STK17B: variants seen among roughly 807,000 people sequenced by gnomAD.
STK17B encodes the protein serine/threonine kinase 17b, also known as serine/threonine-protein kinase 17B.
In STK17B, 21 loss-of-function variants were observed where a neutral mutation model predicts 42.0. The ratio of observed to expected loss-of-function variants is 0.50; its 90% confidence interval spans 0.35 to 0.72. The LOEUF (loss-of-function observed/expected upper bound fraction) is 0.72. Among genes scored for constraint, STK17B ranks in the 30% least tolerant of loss-of-function variants. The probability of loss-of-function intolerance (pLI) is 0.00; values close to 1 mark genes in which losing one functional copy is unlikely to be tolerated. For synonymous variants in STK17B, 143 were observed against 148.4 expected, an observed-to-expected ratio of 0.96 and a Z score of 0.26; for missense variants, 349 against 446.0, an observed-to-expected ratio of 0.78 and a Z score of 1.96.
intron 3 of STK17B, among the ~76,000 whole-genome samples, chr2:196,148,916 A>G (rs1699621927): frequency 1.3e-5 from 2 of 152,226 alleles, no homozygotes; most frequent in Admixed American, 6.5e-5. Context: ...TACTGAAATC[A>G]AGACTGCCTG....
chr2:196,157,994 A>G (rs1421285545), intron 2 of STK17B, among the ~76,000 whole-genome samples: 1 of 152,222 alleles, frequency 6.6e-6, no homozygotes, highest in African/African-American at 2.4e-5. Flanking sequence ...CATAAACCTT[A>G]TAAGGCTGAG....
intron 3 of STK17B, among the ~76,000 whole-genome samples, chr2:196,148,004 AG>A (rs1699607454): frequency 6.6e-6 from 1 of 152,172 alleles, no homozygotes; most frequent in Non-Finnish European, 1.5e-5. Context: ...TTGGGATTAC[AG>A]GTGTGAGCCA....
At chr2:196,172,182 C>T (rs547449283), upstream of STK17B, among the ~76,000 whole-genome samples, 1 of 152,254 alleles carries the variant, frequency 6.6e-6, no homozygotes, top group South Asian at 2.1e-4. Flanking sequence ...AATGGTGTCC[C>T]TTCTGAGGCA....
chr2:196,151,099 A>C (rs765170846), intron 3 of STK17B, among the ~76,000 whole-genome samples: 1 of 152,206 alleles, frequency 6.6e-6, no homozygotes, highest in African/African-American at 2.4e-5. Flanking sequence ...CTTAATATTT[A>C]CTTAGAGATG....
intron 1 of STK17B, among the ~76,000 whole-genome samples, chr2:196,170,288 T>C (rs1400638979): frequency 5.3e-5 from 8 of 152,318 alleles, no homozygotes; most frequent in South Asian, 4.1e-4. Context: ...GACATTCTCA[T>C]AGACTTGAAA....
At chr2:196,144,176 A>T (rs1016764644) in intron 4 of STK17B, among the ~76,000 whole-genome samples, 5 of 109,720 alleles carry the variant, frequency 4.6e-5, no homozygotes, top group Admixed American at 1.0e-4. Context: ...TCTCTTAAAT[A>T]AAAAAAAAAT....
chr2:196,157,806 T>G (rs927530210), intron 2 of STK17B, among the ~76,000 whole-genome samples: 2 of 152,220 alleles, frequency 1.3e-5, no homozygotes, highest in Non-Finnish European at 2.9e-5. Flanking sequence ...TTACTGTAAG[T>G]CTACAGCGGC....
At chr2:196,171,136 G>A (rs571099313) in intron 1 of STK17B, 197 bp downstream of exon 1, 85 of 152,744 alleles carry the variant, frequency 5.6e-4, no homozygotes, top group Non-Finnish European at 9.6e-4. Flanking sequence ...CAGGGAACCC[G>A]GACTCCAGCC....
Position 196,154,589 on chromosome 2 carries a change from T to C in STK17B, c.335+1850A>G, listed in dbSNP as rs562029257. ...TTGTACTAGTTTTTCAACTTTTCTATAGATTTGGAATTTTGTAAAATAAGA... is the reference window on the plus strand; with the variant it reads ...TTGTACTAGTTTTTCAACTTTTCTACAGATTTGGAATTTTGTAAAATAAGA... On this transcript the variant is annotated intron_variant, in intron 3 of 7. Coordinates refer to ENST00000263955, the MANE Select transcript of STK17B (RefSeq NM_004226.4). 10 of 152,364 alleles carry C rather than the reference T, an allele frequency of 6.6e-5. No individual in the cohort carries two copies. In the East Asian group the frequency reaches 9.6e-4, roughly 15 times the overall value. The allele number at this position is 152,364 out of a possible 1,614,324, so 9.4% of individuals were successfully genotyped here.
chr2:196,145,458 G>C (rs1293653924), intron 4 of STK17B, among the ~76,000 whole-genome samples: 1 of 152,132 alleles, frequency 6.6e-6, no homozygotes. Flanking sequence ...GAGCCTGAAC[G>C]ATCTGGAAGA....
At chr2:196,175,843 C>T (rs577384703), upstream of STK17B, among the ~76,000 whole-genome samples, 3 of 152,254 alleles carry the variant, frequency 2.0e-5, no homozygotes, top group East Asian at 3.9e-4. Flanking sequence ...ACAATCAGAG[C>T]AGTCTGGAGC....
Position 196,161,511 on chromosome 2 carries a change from CTTTTTT to C in STK17B, c.122+1745_122+1750del, listed in dbSNP as rs71009086. ...GGTCAGTGAGGTAGATATTATAATT[CTTTTTT>C]TTTTTTTTTTTTTTTTTTTGAGACA... On this transcript the variant is annotated intron_variant, in intron 2 of 7. Coordinates refer to ENST00000263955, the MANE Select transcript of STK17B (RefSeq NM_004226.4). Among the ~76,000 whole-genome samples the C allele has an allele frequency of 1.4e-4, 10 of 69,522 alleles. No individual in the cohort carries two copies. The South Asian group carries it at 2.4e-3, about 17-fold the overall frequency. The allele number at this position is 69,522 out of a possible 152,430, so 45.6% of individuals were successfully genotyped here.
At position 196,171,513 on chromosome 2, in the gene STK17B, G is replaced by C. The variant is rs922051013; in HGVS notation, c.-225C>G. The C allele has an allele frequency of 2.6e-5, 4 of 152,268 alleles. No homozygotes were observed. The highest frequency in any genetic ancestry group is 9.6e-5 in the African/African-American group (4 of 41,458). The allele number at this position is 152,268 out of a possible 1,614,324, so 9.4% of individuals were successfully genotyped here. ...GACAAGGGCCGACGGTTGTGACCTGGCTTCTCGTGAAGTGACTCCTGGCGA... is the reference window on the plus strand; with the variant it reads ...GACAAGGGCCGACGGTTGTGACCTGCCTTCTCGTGAAGTGACTCCTGGCGA... On this transcript the variant is annotated 5_prime_UTR_variant, in exon 1 of 8. Coordinates refer to ENST00000263955, the MANE Select transcript of STK17B (RefSeq NM_004226.4).
chr2:196,147,364 G>A (rs1288441643), intron 3 of STK17B, among the ~76,000 whole-genome samples: 1 of 152,118 alleles, frequency 6.6e-6, no homozygotes, highest in African/African-American at 2.4e-5. Flanking sequence ...ATGATGGAAT[G>A]GGCAGCGATT....
At chr2:196,151,723 A>C (rs960825505) in intron 3 of STK17B, among the ~76,000 whole-genome samples, 1 of 152,114 alleles carries the variant, frequency 6.6e-6, no homozygotes, top group Non-Finnish European at 1.5e-5. Flanking sequence ...TGTCTCATGG[A>C]TAGTGGTGAT....
chr2:196,139,895 T>C lies in STK17B; in HGVS notation c.657-96A>G, dbSNP rs898884409. ...TTCAACATACTCCTCTCCTCAAAACTGGTACGGTTAAACTACAGATTTACA... is the reference window on the plus strand; with the variant it reads ...TTCAACATACTCCTCTCCTCAAAACCGGTACGGTTAAACTACAGATTTACA... On this transcript the variant is annotated intron_variant, in intron 6 of 7. Transcript: ENST00000263955. 11 of 890,524 alleles carry C rather than the reference T, an allele frequency of 1.2e-5. No homozygotes were observed. The African/African-American group carries it at 1.9e-4, about 15-fold the overall frequency. 55.2% of individuals were successfully genotyped at this position (890,524 alleles called of 1,614,324 possible). A position where few individuals can be genotyped will look rare whatever the true frequency, so the allele number is the denominator to read the frequency against.
chr2:196,150,030 T>C (rs1451675587), intron 3 of STK17B, among the ~76,000 whole-genome samples: 1 of 151,748 alleles, frequency 6.6e-6, no homozygotes, highest in African/African-American at 2.4e-5. Flanking sequence ...ATACGAAAAT[T>C]AGGAAGACTT....
intron 1 of STK17B, among the ~76,000 whole-genome samples, chr2:196,169,720 G>T (rs553540714): frequency 1.3e-5 from 2 of 152,058 alleles, no homozygotes; most frequent in African/African-American, 4.8e-5. Flanking sequence ...TCCTAAAAAC[G>T]CATTCTATCT....
In STK17B at chr2:196,136,924, ATTTG is replaced by A. The variant is rs1290456074; in HGVS notation, c.*519_*522del. 6.6e-6 allele frequency: 1 copy of A among 152,480 alleles called. No homozygotes were observed. Among genetic ancestry groups the A allele is most frequent in the Non-Finnish European group, 1.5e-5 (1 of 68,242 alleles). 9.4% of individuals were successfully genotyped at this position (152,480 alleles called of 1,614,324 possible). A position where few individuals can be genotyped will look rare whatever the true frequency, so the allele number is the denominator to read the frequency against. Reference sequence around the variant, plus strand: ...TGAAAATCTTACGAAGTTTCAAAATATTTGTAATTGAAAGACATTTTCAATTGTA... The same window carrying A: ...TGAAAATCTTACGAAGTTTCAAAATATAATTGAAAGACATTTTCAATTGTA... On this transcript the variant is annotated 3_prime_UTR_variant, in exon 8 of 8. Transcript: ENST00000263955.
Sources: gnomAD v4.1 joint callset for allele counts (sites outside exome capture counted in the v4.1 genomes callset) on GRCh38, gnomAD v4.1.1 for gene constraint, MANE v1.5 for transcripts, NCBI Gene and HGNC (gene_info 2026-07-23, HGNC 2026-07-21) for gene names.